Variants in TBC1D19 observed in about 807,000 individuals in gnomAD.
TBC1D19 encodes the protein TBC1 domain family member 19.
A neutral mutation model predicts 89.0 loss-of-function variants in TBC1D19; 60 were observed. The ratio of observed to expected loss-of-function variants is 0.67; its 90% CI spans 0.55 to 0.84. The LOEUF is 0.84. TBC1D19 is among the 40% of genes least tolerant of loss of function. The pLI is 0.00. For synonymous variants in TBC1D19, 189 were observed against 199.7 expected, an observed-to-expected ratio of 0.95 and a Z score of 0.45; for missense variants, 500 against 610.8, an observed-to-expected ratio of 0.82 and a Z score of 1.91.
chr4:26,657,863 C>A (rs1450751860), intron 7 of TBC1D19, among the ~76,000 whole-genome samples: 1 of 152,052 alleles, frequency 6.6e-6, no homozygotes, highest in Admixed American at 6.6e-5. Flanking sequence ...TTATATGTTT[C>A]TTGGCTGCAT....
At chr4:26,702,561 T>A (rs1202944622) in intron 13 of TBC1D19, among the ~76,000 whole-genome samples, 1 of 152,194 alleles carries the variant, frequency 6.6e-6, no homozygotes, top group Non-Finnish European at 1.5e-5. Flanking sequence ...GGAGTATGCT[T>A]TAACCTTTAT....
chr4:26,583,578 G>A (rs555983088), upstream of TBC1D19, among the ~76,000 whole-genome samples: 22 of 152,292 alleles, frequency 1.4e-4, no homozygotes, highest in African/African-American at 5.3e-4. Context: ...CCTGGTATAA[G>A]ACTCTAGAGA....
chr4:26,811,319 C>G, the TBC1D19 span, among the ~76,000 whole-genome samples: 73 of 152,218 alleles, frequency 4.8e-4, no homozygotes, highest in African/African-American at 1.6e-3. Context: ...AAGATATGGA[C>G]GAAGGGAGGG....
chr4:26,768,488 C>T, the TBC1D19 span, among the ~76,000 whole-genome samples: 4 of 152,132 alleles, frequency 2.6e-5, no homozygotes, highest in East Asian at 5.8e-4. Context: ...AAATTAGACT[C>T]ATGATAGGAA....
chr4:26,618,038 A>G (rs965842425), intron 3 of TBC1D19, among the ~76,000 whole-genome samples: 2 of 152,186 alleles, frequency 1.3e-5, no homozygotes, highest in African/African-American at 4.8e-5. Context: ...GTGCTCAAGC[A>G]GTAGACCTGG....
intron 1 of TBC1D19, among the ~76,000 whole-genome samples, chr4:26,608,290 A>T (rs1741135071): frequency 2.0e-5 from 3 of 152,318 alleles, no homozygotes; most frequent in Non-Finnish European, 4.4e-5. Context: ...CAAAATACAG[A>T]AATTGGATAT....
the TBC1D19 span, among the ~76,000 whole-genome samples, chr4:26,846,386 A>T: frequency 1.3e-4 from 20 of 152,166 alleles, no homozygotes; most frequent in African/African-American, 4.8e-4. Flanking sequence ...TCATTTTTCA[A>T]CTACTTGTAT....
At chr4:26,844,205 C>T in the TBC1D19 span, among the ~76,000 whole-genome samples, 3,724 of 152,242 alleles carry the variant, frequency 0.024, 160 homozygotes, top group African/African-American at 0.085. Flanking sequence ...AGTACTTCAA[C>T]GTCATCCCAG....
chr4:26,727,677 C>G (rs1279474826), intron 15 of TBC1D19, among the ~76,000 whole-genome samples: 1 of 152,208 alleles, frequency 6.6e-6, no homozygotes, highest in East Asian at 1.9e-4. Flanking sequence ...TGCCCAGAGT[C>G]ACACAGGATT....
chr4:26,602,464 C>T (rs368629613), intron 1 of TBC1D19, among the ~76,000 whole-genome samples: 4 of 105,152 alleles, frequency 3.8e-5, no homozygotes, highest in Non-Finnish European at 5.3e-5. Context: ...TTTTTTGAGA[C>T]GGAGACTTGC....
rs1377736266 is a variant in TBC1D19, at chr4:26,616,292, TGTTCA to T, written c.218+1843_218+1847del. The stretch of plus-strand genomic sequence containing the variant: ...AAATAGCATTGGATCAGGGGCAGTA[TGTTCA>T]GTTTATTCTTCTCAAATTTAAAAGT... On this transcript the variant is annotated intron_variant, in intron 3 of 20. Transcript: ENST00000264866. Among the ~76,000 whole-genome samples the T allele has an allele frequency of 4.6e-5, 7 of 152,184 alleles. 1 individual carries two copies. Among genetic ancestry groups the T allele is most frequent in the Admixed American group, 4.6e-4 (7 of 15,274 alleles).
the TBC1D19 span, among the ~76,000 whole-genome samples, chr4:26,851,315 A>ATCTATCTATCTATCTG: frequency 2.8e-5 from 4 of 143,312 alleles, no homozygotes; most frequent in South Asian, 4.4e-4. Flanking sequence ...CTATCTATCT[A>ATCTATCTATCTATCTG]TCTATCTATC....
intron 10 of TBC1D19, among the ~76,000 whole-genome samples, chr4:26,673,083 T>G (rs186542559): frequency 6.6e-6 from 1 of 151,844 alleles, no homozygotes; most frequent in African/African-American, 2.4e-5. Flanking sequence ...GCTGACATCT[T>G]TATTAAAGAA....
At chr4:26,748,644 T>A in intron 19 of TBC1D19, 118 bp downstream of exon 19, 1 of 740,548 alleles carries the variant, frequency 1.4e-6, no homozygotes, top group Non-Finnish European at 2.2e-6. Context: ...CATGAACAAT[T>A]AATAGATATA....
chr4:26,667,353 C>G (rs77705985), intron 9 of TBC1D19, among the ~76,000 whole-genome samples: 2,285 of 152,156 alleles, frequency 0.015, 55 homozygotes, highest in African/African-American at 0.051. Flanking sequence ...CTCCTACCCT[C>G]TTTCAATCTG....
intron 13 of TBC1D19, among the ~76,000 whole-genome samples, chr4:26,690,807 A>G (rs10939132): frequency 0.4 from 61,407 of 152,144 alleles, 12,859 homozygotes; most frequent in Non-Finnish European, 0.47. Flanking sequence ...TTGTTTTCAT[A>G]CCTAGTAACA....
chr4:26,779,262 G>A, the TBC1D19 span, among the ~76,000 whole-genome samples: 47 of 152,308 alleles, frequency 3.1e-4, no homozygotes, highest in Admixed American at 1.2e-3. Flanking sequence ...ATCAAGGAAA[G>A]CTTCTCTAAG....
At chr4:26,640,368 G>A (rs1244445720) in intron 7 of TBC1D19, among the ~76,000 whole-genome samples, 181 bp downstream of exon 7, 1 of 152,166 alleles carries the variant, frequency 6.6e-6, no homozygotes, top group Non-Finnish European at 1.5e-5. Flanking sequence ...ATTGGAATAT[G>A]GAAAGATTAG....
chr4:26,756,738 A>T (rs564062497), downstream of TBC1D19, among the ~76,000 whole-genome samples: 1 of 152,382 alleles, frequency 6.6e-6, no homozygotes, highest in African/African-American at 2.4e-5. Flanking sequence ...GTCAAGTGGT[A>T]GAAGATGATA....
Sources: gnomAD v4.1 joint callset for allele counts (sites outside exome capture counted in the v4.1 genomes callset) on GRCh38, gnomAD v4.1.1 for gene constraint, MANE v1.5 for transcripts, NCBI Gene and HGNC (gene_info 2026-07-23, HGNC 2026-07-21) for gene names.